The following ERICH2 variants were observed in gnomAD, a reference collection of about 807,000 sequenced individuals.
The protein encoded by ERICH2 is glutamate-rich protein 2.
A neutral mutation model predicts 17.4 loss-of-function variants in ERICH2; 17 were observed. The observed-to-expected ratio is 0.98, with a 90% CI of 0.67 to 1.47. ERICH2 has a LOEUF of 1.47. Among genes scored for constraint, ERICH2 ranks in the 40% most tolerant of loss-of-function variants. The pLI is 0.00. For synonymous variants in ERICH2, 51 were observed against 61.1 expected, an observed-to-expected ratio of 0.83 and a Z score of 0.77; for missense variants, 186 against 183.2, an observed-to-expected ratio of 1.01 and a Z score of -0.09.
chr2:170,777,513 G>A, the ERICH2 span: 2,551 of 1,073,330 alleles, frequency 2.4e-3, 47 homozygotes, highest in African/African-American at 0.038. Context: ...GAGTGTCATT[G>A]AATGACTTAG....
At chr2:170,795,891 G>A (rs12464863) in intron 3 of ERICH2, among the ~76,000 whole-genome samples, 37,145 of 152,156 alleles carry the variant, frequency 0.24, 5,508 homozygotes, top group South Asian at 0.37. Context: ...ATCATCAGTT[G>A]TAAATGTTAA....
At chr2:170,783,696 CTGTT>C (rs775461226), upstream of ERICH2, 5 of 1,231,970 alleles carry the variant, frequency 4.1e-6, no homozygotes, top group Non-Finnish European at 5.8e-6. Context: ...ATGCTGCTAA[CTGTT>C]TGTGAAGTAA....
chr2:170,794,740 A>G (rs188430566), intron 3 of ERICH2, among the ~76,000 whole-genome samples: 3 of 152,274 alleles, frequency 2.0e-5, no homozygotes, highest in African/African-American at 7.2e-5. Flanking sequence ...TCATTCTTAC[A>G]GTAAAGTCCT....
the ERICH2 span, among the ~76,000 whole-genome samples, chr2:170,774,628 C>T: frequency 2.1e-5 from 3 of 145,688 alleles, no homozygotes; most frequent in South Asian, 2.2e-4. Flanking sequence ...TGCAGTGGCA[C>T]GCTCTCGGCT....
chr2:170,779,435 T>C (rs531974724), upstream of ERICH2, among the ~76,000 whole-genome samples: 29 of 152,348 alleles, frequency 1.9e-4, no homozygotes, highest in African/African-American at 6.5e-4. Flanking sequence ...TTCAAACTTC[T>C]GGGCACACAA....
upstream of ERICH2, among the ~76,000 whole-genome samples, chr2:170,781,993 T>C (rs1371780232): frequency 6.6e-6 from 1 of 152,220 alleles, no homozygotes; most frequent in African/African-American, 2.4e-5. Flanking sequence ...ACTTAAATGC[T>C]CTGTGTTAAA....
At chr2:170,790,346 G>C (rs1446685286) in intron 2 of ERICH2, among the ~76,000 whole-genome samples, 2 of 152,024 alleles carry the variant, frequency 1.3e-5, no homozygotes, top group African/African-American at 2.4e-5. Context: ...AATACAAACA[G>C]CCAGGCATGG....
intron 2 of ERICH2, among the ~76,000 whole-genome samples, chr2:170,790,871 T>C (rs1701274003): frequency 6.6e-6 from 1 of 151,434 alleles, no homozygotes; most frequent in African/African-American, 2.4e-5. Context: ...ATTATTAAAA[T>C]TTTGAAATAA....
chr2:170,792,837 T>C, intron 2 of ERICH2, 26 bp from the exon 8 acceptor site: 1 of 1,439,542 alleles, frequency 6.9e-7, no homozygotes, highest in South Asian at 1.4e-5. Context: ...TAAATTCACT[T>C]ATCTGAAGAA....
At chr2:170,787,306 C>A (rs981984594) in intron 2 of ERICH2, among the ~76,000 whole-genome samples, 2 of 149,898 alleles carry the variant, frequency 1.3e-5, no homozygotes, top group African/African-American at 5.0e-5. Context: ...TATTGTTGGA[C>A]TTCGGTAAAT....
upstream of ERICH2, among the ~76,000 whole-genome samples, chr2:170,783,571 T>G (rs182729723): frequency 6.6e-6 from 1 of 152,020 alleles, no homozygotes; most frequent in East Asian, 1.9e-4. Flanking sequence ...TAAATAAAAA[T>G]AAAAACACAA....
chr2:170,789,127 A>AT (rs200769691), intron 2 of ERICH2, among the ~76,000 whole-genome samples: 2,567 of 140,630 alleles, frequency 0.018, 74 homozygotes, highest in African/African-American at 0.061. Context: ...TGCCTGGCTA[A>AT]TTTTTTTTTT....
chr2:170,795,007 G>A (rs1348208453), intron 3 of ERICH2, among the ~76,000 whole-genome samples: 1 of 152,044 alleles, frequency 6.6e-6, no homozygotes, highest in Non-Finnish European at 1.5e-5. Context: ...TTTGAGACAG[G>A]GTCTTGCTTT....
chr2:170,784,663 G>T, exon 2 of ERICH2: 1 of 1,524,330 alleles, frequency 6.6e-7, no homozygotes, highest in Admixed American at 2.2e-5. Flanking sequence ...GAGCAAAGAT[G>T]CAGTCATTGT....
At chr2:170,798,372 T>C (rs1701482072) in intron 4 of ERICH2, among the ~76,000 whole-genome samples, 1 of 152,146 alleles carries the variant, frequency 6.6e-6, no homozygotes, top group Admixed American at 6.5e-5. Context: ...CAGAATATGC[T>C]AACACGGCTG....
chr2:170,791,142 TTAACC>T lies in ERICH2; in HGVS notation c.217-1718_217-1714del, dbSNP rs569996919. The stretch of plus-strand genomic sequence containing the variant: ...AAATAGGAAAGAAAATGAAAATGTC[TTAACC>T]TAGACAAGAATAGATTTTAAAAATA... On this transcript the variant is annotated intron_variant, in intron 2 of 4. Coordinates refer to ENST00000409885, the Ensembl canonical transcript of ERICH2. Among the ~76,000 whole-genome samples, 329 of 152,250 alleles carry T rather than the reference TTAACC, an allele frequency of 2.2e-3. 1 individual carries two copies. The highest frequency in any genetic ancestry group is 7.6e-3 in the African/African-American group (314 of 41,542).
At chr2:170,777,859 A>C in the ERICH2 span, 1 of 401,856 alleles carries the variant, frequency 2.5e-6, no homozygotes, top group Non-Finnish European at 4.4e-6. Context: ...GACAGTTAAA[A>C]TGAAAAATGA....
chr2:170,774,420 T>G, the ERICH2 span, among the ~76,000 whole-genome samples: 1 of 152,088 alleles, frequency 6.6e-6, no homozygotes, highest in East Asian at 1.9e-4. Flanking sequence ...CTTATAATAA[T>G]CCACCAAAGG....
At chr2:170,782,967 A>T (rs1244343640), upstream of ERICH2, among the ~76,000 whole-genome samples, 1 of 152,048 alleles carries the variant, frequency 6.6e-6, no homozygotes, top group African/African-American at 2.4e-5. Context: ...GCACGCTAGT[A>T]TATACTTGTA....
Sources: allele counts gnomAD v4.1 joint callset (sites outside exome capture counted in the v4.1 genomes callset), GRCh38; gene constraint gnomAD v4.1.1; transcripts MANE v1.5; gene names NCBI Gene and HGNC (gene_info 2026-07-23, HGNC 2026-07-21).